Variants in C5orf52 observed in about 807,000 individuals in gnomAD.
The protein encoded by C5orf52 is uncharacterized protein C5orf52.
Under a neutral mutation model 16.8 loss-of-function variants are expected in C5orf52, and 15 were observed. The ratio of observed to expected loss-of-function variants is 0.89; its 90% CI spans 0.60 to 1.38. The LOEUF is 1.38. C5orf52 is among the 40% of genes most tolerant of loss of function. The pLI is 0.00. For missense variants in C5orf52, 206 were observed against 213.1 expected (o/e 0.97, Z 0.21); for synonymous variants, 83 against 87.2 (o/e 0.95, Z 0.27).
At chr5:157,673,685 T>A (rs1759839668) in intron 1 of C5orf52, among the ~76,000 whole-genome samples, 1 of 152,112 alleles carries the variant, frequency 6.6e-6, no homozygotes. Flanking sequence ...TCTCACTCTG[T>A]CGCCCAGGCT....
upstream of C5orf52, among the ~76,000 whole-genome samples, chr5:157,671,048 T>C (rs1020001688): frequency 9.2e-5 from 14 of 152,130 alleles, 1 homozygote; most frequent in Admixed American, 1.3e-4. Context: ...CCGCAGGAGA[T>C]GGCGGATTCA....
chr5:157,677,670 GA>G (rs1216944385), intron 2 of C5orf52, among the ~76,000 whole-genome samples: 1 of 135,452 alleles, frequency 7.4e-6, no homozygotes, highest in African/African-American at 2.9e-5. Context: ...AAAAAAAAAA[GA>G]AAAGAAAAGA....
rs1278417820 is a variant in C5orf52, at chr5:157,675,101, T to C, written c.222T>C (p.Asn74=). The C allele has an allele frequency of 4.5e-6, 7 of 1,549,970 alleles. No homozygotes were observed. In the East Asian group the frequency reaches 1.2e-4, roughly 27 times the overall value. ...TCCCTCCCTGCTCCAGCTTAATGAA[T>C]TCCAGTGAAGCAGCGATGAAAAAAA... is the stretch of plus-strand genomic sequence containing the variant. ...AQQPVLFSLM[N]SSEAAMKKTL... Residue 74 remains asparagine, a synonymous_variant, in exon 2 of 3, where the codon AAT becomes AAC. Coordinates refer to ENST00000409999, the MANE Select transcript of C5orf52 (RefSeq NM_001145132.2).
intron 1 of C5orf52, among the ~76,000 whole-genome samples, chr5:157,672,743 G>C (rs1052885670): frequency 5.3e-5 from 8 of 152,172 alleles, no homozygotes; most frequent in Non-Finnish European, 1.0e-4. Context: ...TTCCAAATTG[G>C]CTGAAAATGA....
In C5orf52 at chr5:157,671,818, G is replaced by A. The variant is rs1407045588; in HGVS notation, c.204G>A (p.Val68=). ...GGCCGAGGTCCGCGCAGCAGCCGGT[G>A]CTGTTCAGGTGTGGCCCGCATGCCC... ...FPRPRSAQQP[V]LFSLMNSSEA... Residue 68 remains valine (V), a synonymous_variant, in exon 1 of 3, where the codon GTG becomes GTA. Transcript: ENST00000409999. 6 of 1,534,424 alleles carry A rather than the reference G, an allele frequency of 3.9e-6. No homozygotes were observed. The highest frequency in any genetic ancestry group is 2.0e-5 in the Admixed American group (1 of 49,848).
At position 157,679,869 on chromosome 5, in the gene C5orf52, A is replaced by T; in HGVS notation, c.350A>T (p.Lys117Met). 1 of 1,551,226 alleles carries T rather than the reference A, an allele frequency of 6.4e-7. No individual in the cohort carries two copies. The highest frequency in any genetic ancestry group is 1.2e-5 in the South Asian group (1 of 83,960). The change falls in exon 3 of 3, where the codon AAG becomes ATG. Residue 117 changes from lysine to methionine, a missense_variant. Physicochemically the swap from Lys to Met is moderately conservative, Grantham distance 95. Coordinates refer to ENST00000409999, the MANE Select transcript of C5orf52 (RefSeq NM_001145132.2). ...EVSALEKTKK[K>M]ISHYYEHLKK... Reference sequence around the variant, plus strand: ...AGCGCTTTAGAGAAGACCAAGAAAAAGATCAGCCACTACTATGAACACCTG... The same window carrying T: ...AGCGCTTTAGAGAAGACCAAGAAAATGATCAGCCACTACTATGAACACCTG...
At chr5:157,675,046 G>A in intron 1 of C5orf52, 46 bp from the exon 2 acceptor site, 2 of 1,321,362 alleles carry the variant, frequency 1.5e-6, no homozygotes, top group Non-Finnish European at 2.1e-6. Flanking sequence ...TCTGGCCCAG[G>A]CCCCAACCGT....
intron 2 of C5orf52, among the ~76,000 whole-genome samples, chr5:157,676,854 TA>T (rs1412583835): frequency 1.3e-4 from 15 of 119,408 alleles, no homozygotes; most frequent in African/African-American, 6.0e-4. Flanking sequence ...CCCCTTTTTT[TA>T]ATTTCCTTTT....
At chr5:157,673,687 G>A (rs892492371) in intron 1 of C5orf52, among the ~76,000 whole-genome samples, 5 of 150,824 alleles carry the variant, frequency 3.3e-5, no homozygotes, top group East Asian at 2.0e-4. Context: ...TCACTCTGTC[G>A]CCCAGGCTGG....
chr5:157,678,067 T>C (rs1759938062), intron 2 of C5orf52, among the ~76,000 whole-genome samples: 1 of 152,080 alleles, frequency 6.6e-6, no homozygotes, highest in South Asian at 2.1e-4. Context: ...CTCAGGTGCA[T>C]GACAAAAGTG....
At chr5:157,676,075 CCTT>C (rs757734849) in intron 2 of C5orf52, among the ~76,000 whole-genome samples, 2 of 151,978 alleles carry the variant, frequency 1.3e-5, no homozygotes, top group Non-Finnish European at 2.9e-5. Flanking sequence ...GCTGCTGCCA[CCTT>C]CTTTTCTTTT....
intron 1 of C5orf52, among the ~76,000 whole-genome samples, chr5:157,674,617 A>C (rs987547161): frequency 6.6e-6 from 1 of 152,080 alleles, no homozygotes; most frequent in Admixed American, 6.6e-5. Flanking sequence ...AAAGTACAAA[A>C]ATTAGCCAGG....
chr5:157,671,437 C>A (rs1355963587), upstream of C5orf52: 21 of 605,044 alleles, frequency 3.5e-5, no homozygotes, highest in East Asian at 5.6e-4. Context: ...CCGGACTCTG[C>A]ACGCATGTCC....
At position 157,679,935 on chromosome 5, in the gene C5orf52, G is replaced by A. The variant is rs1306431861; in HGVS notation, c.416G>A (p.Arg139Gln). 1.9e-6 allele frequency: 3 copies of A among 1,551,630 alleles called. No individual in the cohort carries two copies. The highest frequency in any genetic ancestry group is 2.0e-5 in the Admixed American group (1 of 50,984). Reference protein sequence around the residue: ...FMTEQLRKLGRWREESVNSNR... With the variant: ...FMTEQLRKLGQWREESVNSNR... Reference sequence around the variant, plus strand: ...ACAGAGCAGCTCAGAAAGCTCGGGCGATGGAGAGAGGAATCCGTGAACAGC... The same window carrying A: ...ACAGAGCAGCTCAGAAAGCTCGGGCAATGGAGAGAGGAATCCGTGAACAGC... The change falls in exon 3 of 3, where the codon CGA (arginine) becomes CAA (glutamine). Residue 139 changes from arginine to glutamine, a missense_variant. By Grantham distance (43) the Arg-to-Gln change is conservative. Coordinates refer to ENST00000409999, the MANE Select transcript of C5orf52 (RefSeq NM_001145132.2).
intron 2 of C5orf52, among the ~76,000 whole-genome samples, chr5:157,677,477 G>C (rs1759917888): frequency 6.6e-6 from 1 of 152,016 alleles, no homozygotes; most frequent in South Asian, 2.1e-4. Context: ...CCAACACGGA[G>C]AAACCCCTCT....
chr5:157,679,937 T>A lies in C5orf52; in HGVS notation c.418T>A (p.Trp140Arg), dbSNP rs564542374. The A allele has an allele frequency of 2.2e-4, 337 of 1,551,732 alleles. 10 individuals are homozygous for A. The South Asian group carries it at 3.7e-3, about 17-fold the overall frequency. Residue 140 changes from tryptophan to arginine, a missense_variant, in exon 3 of 3, where the codon TGG (tryptophan) becomes AGG (arginine). Transcript: ENST00000409999. ...MTEQLRKLGR[W>R]REESVNSNRY... ...AGAGCAGCTCAGAAAGCTCGGGCGA[T>A]GGAGAGAGGAATCCGTGAACAGCAA...
At chr5:157,672,760 A>G (rs1423179780) in intron 1 of C5orf52, among the ~76,000 whole-genome samples, 4 of 152,024 alleles carry the variant, frequency 2.6e-5, no homozygotes, top group African/African-American at 9.7e-5. Flanking sequence ...ATGAATTGCA[A>G]TTCTCCTGCC....
chr5:157,671,881 C>T, intron 1 of C5orf52, 55 bp downstream of exon 1: 1 of 1,243,518 alleles, frequency 8.0e-7, no homozygotes, highest in Non-Finnish European at 1.1e-6. Flanking sequence ...CGAGGGAACC[C>T]TAACTCTTTG....
intron 1 of C5orf52, among the ~76,000 whole-genome samples, chr5:157,673,603 T>C (rs1759837444): frequency 6.6e-6 from 1 of 152,186 alleles, no homozygotes; most frequent in African/African-American, 2.4e-5. Flanking sequence ...CCAAAATTTA[T>C]TCAATATTGT....
Sources: gnomAD v4.1 joint callset for allele counts (sites outside exome capture counted in the v4.1 genomes callset) on GRCh38, gnomAD v4.1.1 for gene constraint, MANE v1.5 for transcripts, NCBI Gene and HGNC (gene_info 2026-07-23, HGNC 2026-07-21) for gene names.